NUP50: variants seen among roughly 807,000 people sequenced by gnomAD.
NUP50 encodes nucleoporin 50.
NUP50 carries 14 observed loss-of-function variants against 36.8 expected under a neutral mutation model. The ratio of observed to expected loss-of-function variants is 0.38; its 90% CI spans 0.25 to 0.59. The LOEUF is 0.59. Ranked by LOEUF, NUP50 falls within the 20% of genes least tolerant of loss-of-function variation. The pLI, the probability that NUP50 is intolerant of heterozygous loss-of-function variation, is 0.63. For synonymous variants in NUP50, 195 were observed against 210.8 expected (o/e 0.93, Z 0.65); for missense variants, 455 against 564.6 (o/e 0.81, Z 1.97).
intron 6 of NUP50, among the ~76,000 whole-genome samples, 181 bp from the exon 7 acceptor site, chr22:45,183,221 C>T (rs1292998331): frequency 2.0e-5 from 3 of 152,094 alleles, no homozygotes; most frequent in Non-Finnish European, 4.4e-5. Context: ...AATCTCTAAG[C>T]AGATTTTCTT....
rs762851928 is a variant in NUP50 at position 45,168,274 on chromosome 22, T to G, written c.69+28T>G. Reference sequence around the variant, plus strand: ...AAAAAGCAGCTTCCCTAAGAATGATTTCCTGTTTCTTTTGCCTTTTACATT... The same window carrying G: ...AAAAAGCAGCTTCCCTAAGAATGATGTCCTGTTTCTTTTGCCTTTTACATT... On this transcript the variant is annotated intron_variant, in intron 2 of 7. Transcript: ENST00000347635. 3 of 1,564,164 alleles carry G rather than the reference T, an allele frequency of 1.9e-6. No individual in the cohort carries two copies. In the South Asian group the frequency reaches 3.5e-5, roughly 18 times the overall value.
intron 1 of NUP50, chr22:45,164,850 G>A (rs1567969): frequency 0.45 from 68,000 of 152,556 alleles, 15,852 homozygotes; most frequent in Middle Eastern, 0.52. Context: ...GCCGCCCCTC[G>A]TCTCTCTTCT....
At chr22:45,184,278 G>C (rs2673085) in intron 7 of NUP50, 175 bp from the exon 8 acceptor site, 450,921 of 625,698 alleles carry the variant, frequency 0.72, 165,083 homozygotes, top group East Asian at 0.99. Flanking sequence ...GAGGGCAAGT[G>C]CTCCCCGAGG....
intron 4 of NUP50, among the ~76,000 whole-genome samples, 165 bp downstream of exon 4, chr22:45,176,245 G>A (rs905102046): frequency 6.6e-6 from 1 of 152,250 alleles, no homozygotes; most frequent in African/African-American, 2.4e-5. Flanking sequence ...TACTTACAGA[G>A]TAAGTGGGTA....
chr22:45,173,359 G>C (rs1021567193), intron 3 of NUP50, among the ~76,000 whole-genome samples: 2 of 129,112 alleles, frequency 1.5e-5, no homozygotes, highest in African/African-American at 6.2e-5. Flanking sequence ...TTTTTTGTCT[G>C]GTTTGATTTT....
chr22:45,177,256 C>T (rs2074290348), intron 4 of NUP50, among the ~76,000 whole-genome samples: 1 of 152,186 alleles, frequency 6.6e-6, no homozygotes, highest in Non-Finnish European at 1.5e-5. Context: ...TCTTGGCTCA[C>T]TGCAGCCACA....
chr22:45,169,485 GAA>G (rs1403237931), intron 2 of NUP50, among the ~76,000 whole-genome samples: 5 of 152,228 alleles, frequency 3.3e-5, no homozygotes, highest in Middle Eastern at 6.8e-3. Context: ...AAAATAGTTA[GAA>G]TAAGAATAGT....
intron 2 of NUP50, among the ~76,000 whole-genome samples, chr22:45,169,925 C>G (rs566749753): frequency 4.8e-4 from 73 of 152,374 alleles, no homozygotes; most frequent in Non-Finnish European, 8.5e-4. Flanking sequence ...AGTGGTCACA[C>G]TCCTTGTCCA....
At chr22:45,182,128 A>T (rs995113536) in intron 6 of NUP50, among the ~76,000 whole-genome samples, 5 of 145,266 alleles carry the variant, frequency 3.4e-5, no homozygotes, top group African/African-American at 1.3e-4. Context: ...CAACTTTAAG[A>T]TTTTTTTTTT....
In NUP50 at chr22:45,186,275, G is replaced by A. The variant is rs1418922667; in HGVS notation, c.*1620G>A. The A allele has an allele frequency of 6.6e-6, 1 of 152,200 alleles. No individual in the cohort carries two copies. Among genetic ancestry groups the A allele is most frequent in the Non-Finnish European group, 1.5e-5 (1 of 68,032 alleles). The allele number at this position is 152,200 out of a possible 1,614,324, so 9.4% of individuals were successfully genotyped here. On this transcript the variant is annotated 3_prime_UTR_variant, in exon 8 of 8. Transcript: ENST00000347635. ...GACATAGCGATAGTAGGCACCTAGG[G>A]AGGAAGTGGCCGTTAGTTTTACACT...
intron 6 of NUP50, 143 bp from the exon 7 acceptor site, chr22:45,183,259 G>T (rs950826560): frequency 1.4e-5 from 8 of 582,804 alleles, no homozygotes; most frequent in African/African-American, 3.7e-5. Context: ...GGCTCTGTTT[G>T]GATCAATTAA....
chr22:45,181,717 C>T (rs778444447), intron 6 of NUP50, among the ~76,000 whole-genome samples: 73 of 152,080 alleles, frequency 4.8e-4, no homozygotes, highest in Non-Finnish European at 7.1e-4. Context: ...ACAAAGAAAT[C>T]GCAGAGTCAG....
rs1168442416 is a variant in NUP50 at position 45,185,511 on chromosome 22, G to A, written c.*856G>A. 1 of 152,064 alleles carries A rather than the reference G, an allele frequency of 6.6e-6. No homozygotes were observed. Among genetic ancestry groups the A allele is most frequent in the Non-Finnish European group, 1.5e-5 (1 of 68,010 alleles). The allele number at this position is 152,064 out of a possible 1,614,324, so 9.4% of individuals were successfully genotyped here. A position where few individuals can be genotyped will look rare whatever the true frequency, so the allele number is the denominator to read the frequency against. ...GAGAAAAAGATGCGCATAGGCATTT[G>A]TACCATGATCAACCCCACGCACATG... On this transcript the variant is annotated 3_prime_UTR_variant, in exon 8 of 8. Coordinates refer to ENST00000347635, the MANE Select transcript of NUP50 (RefSeq NM_007172.4).
rs143010311 is a variant in NUP50 at position 45,175,161 on chromosome 22, T to G, written c.154-733T>G. Among the ~76,000 whole-genome samples, 333 of 152,320 alleles carry G rather than the reference T, an allele frequency of 2.2e-3. 1 individual carries two copies. The highest frequency in any genetic ancestry group is 7.7e-3 in the African/African-American group (319 of 41,574). On this transcript the variant is annotated intron_variant, in intron 3 of 7. Transcript: ENST00000347635. The stretch of plus-strand genomic sequence containing the variant: ...GCAAAGCACTATAAACCGAGGAACC[T>G]TTCTCCAAAAGTTCCAGGGGCAGAG...
At position 45,178,220 on chromosome 22, in the gene NUP50, A is replaced by G. The variant is rs760795098; in HGVS notation, c.341-18A>G. ...CAAATTAGGCTAAATAAATGGTTCA[A>G]TTATTAACTTTCTATAGGTTCTCTT... is the stretch of plus-strand genomic sequence containing the variant. On this transcript the variant is annotated intron_variant, in intron 4 of 7. Coordinates refer to ENST00000347635, the MANE Select transcript of NUP50 (RefSeq NM_007172.4). 110 of 1,598,896 alleles carry G rather than the reference A, an allele frequency of 6.9e-5. No individual in the cohort carries two copies. The East Asian group carries it at 1.7e-3, about 24-fold the overall frequency.
At chr22:45,165,216 C>T (rs923496552) in intron 1 of NUP50, among the ~76,000 whole-genome samples, 4 of 152,206 alleles carry the variant, frequency 2.6e-5, no homozygotes, top group East Asian at 1.9e-4. Context: ...TTTTTACCCA[C>T]AAACGCAAAC....
At chr22:45,171,725 G>A in intron 3 of NUP50, 42 bp downstream of exon 3, 1 of 1,519,186 alleles carries the variant, frequency 6.6e-7, no homozygotes, top group Non-Finnish European at 9.1e-7. Context: ...ATACTCATTT[G>A]ATTTCTGGGT....
At chr22:45,172,170 T>TACG in intron 3 of NUP50, 1 of 155,892 alleles carries the variant, frequency 6.4e-6, no homozygotes. Context: ...TGAAATAATG[T>TACG]GCTGATTATT....
In NUP50 at chr22:45,187,583, G is replaced by C. The variant is rs2083463015; in HGVS notation, c.*2928G>C. The C allele has an allele frequency of 6.6e-6, 1 of 152,194 alleles. No individual in the cohort carries two copies. 9.4% of individuals were successfully genotyped at this position (152,194 alleles called of 1,614,324 possible). On this transcript the variant is annotated 3_prime_UTR_variant, in exon 8 of 8. Transcript: ENST00000347635. ...ATTTGTCAGTTATTCTATTTCAGAA[G>C]AGTCAAAATTCAAGCACGATACATT...
Sources: gnomAD v4.1 joint callset for allele counts (sites outside exome capture counted in the v4.1 genomes callset) on GRCh38, gnomAD v4.1.1 for gene constraint, MANE v1.5 for transcripts, NCBI Gene and HGNC (gene_info 2026-07-23, HGNC 2026-07-21) for gene names.